PRKN: variants seen among roughly 807,000 people sequenced by gnomAD.
PRKN encodes the protein parkin RBR E3 ubiquitin protein ligase.
A neutral mutation model predicts 59.5 loss-of-function variants in PRKN; 56 were observed. That is an observed-to-expected ratio of 0.94 (90% confidence interval 0.76 to 1.18). The LOEUF is 1.18. Among genes scored for constraint, PRKN ranks in the 50% most tolerant of loss-of-function variants. The pLI is 0.00. For missense variants in PRKN, 657 were observed against 596.4 expected (o/e 1.10, Z -1.06); for synonymous variants, 250 against 222.1 (o/e 1.13, Z -1.12).
chr6:161,437,308 G>C (rs1788963328), intron 9 of PRKN, among the ~76,000 whole-genome samples: 1 of 152,128 alleles, frequency 6.6e-6, no homozygotes, highest in African/African-American at 2.4e-5. Context: ...CTGGGCGCGT[G>C]GTGTCTACAG....
chr6:162,344,964 C>T (rs942164747), intron 2 of PRKN, among the ~76,000 whole-genome samples: 1 of 152,172 alleles, frequency 6.6e-6, no homozygotes, highest in Non-Finnish European at 1.5e-5. Context: ...AATCACTATA[C>T]AGAAACAAAG....
chr6:161,977,041 A>G (rs535907121), intron 5 of PRKN, among the ~76,000 whole-genome samples: 1 of 152,358 alleles, frequency 6.6e-6, no homozygotes. Context: ...CCAACCCTAT[A>G]TTAAATATGT....
intron 3 of PRKN, among the ~76,000 whole-genome samples, chr6:162,226,271 CAGAG>C (rs767402820): frequency 2.0e-5 from 3 of 150,346 alleles, no homozygotes; most frequent in East Asian, 3.9e-4. Context: ...GAGACAGATA[CAGAG>C]AGAGAGAGAG....
intron 2 of PRKN, among the ~76,000 whole-genome samples, chr6:162,289,655 C>T (rs956513033): frequency 2.0e-5 from 3 of 150,426 alleles, no homozygotes; most frequent in African/African-American, 7.4e-5. Flanking sequence ...CGAGATAACT[C>T]TAGCCTCAGC....
At chr6:162,032,860 C>A (rs561325651) in intron 5 of PRKN, among the ~76,000 whole-genome samples, 5 of 152,288 alleles carry the variant, frequency 3.3e-5, no homozygotes, top group African/African-American at 1.2e-4. Flanking sequence ...AATGCTCCCA[C>A]ATGCAATCCA....
At chr6:161,523,093 A>C (rs1337147893) in intron 9 of PRKN, among the ~76,000 whole-genome samples, 1 of 152,162 alleles carries the variant, frequency 6.6e-6, no homozygotes, top group Non-Finnish European at 1.5e-5. Flanking sequence ...TAAATGCATT[A>C]TGTTTTGGTA....
chr6:161,513,407 A>T (rs755104890), intron 9 of PRKN, among the ~76,000 whole-genome samples: 2 of 151,404 alleles, frequency 1.3e-5, no homozygotes, highest in African/African-American at 2.4e-5. Flanking sequence ...CGCTTGGCTA[A>T]TTTTTTTTAT....
chr6:162,478,087 A>G (rs1583641996), intron 1 of PRKN, among the ~76,000 whole-genome samples: 1 of 152,138 alleles, frequency 6.6e-6, no homozygotes, highest in East Asian at 1.9e-4. Context: ...TTCTTCCCCT[A>G]GTACCTACCA....
chr6:161,958,244 T>C (rs1446581971), intron 6 of PRKN, among the ~76,000 whole-genome samples: 3 of 152,206 alleles, frequency 2.0e-5, no homozygotes, highest in African/African-American at 7.2e-5. Context: ...TTATTTGTAC[T>C]GTGGTTAAAT....
chr6:162,167,644 G>A (rs1783049938), intron 4 of PRKN, among the ~76,000 whole-genome samples: 1 of 150,406 alleles, frequency 6.6e-6, no homozygotes. Context: ...AGTAAATTTA[G>A]GACAAATAAG....
At chr6:161,910,453 C>G (rs1037527598) in intron 6 of PRKN, among the ~76,000 whole-genome samples, 2 of 152,084 alleles carry the variant, frequency 1.3e-5, no homozygotes, top group African/African-American at 4.8e-5. Flanking sequence ...CGGGGTTTCA[C>G]TGTGTTGGCC....
intron 4 of PRKN, among the ~76,000 whole-genome samples, chr6:162,109,104 G>A (rs10455897): frequency 0.5 from 76,737 of 152,044 alleles, 20,695 homozygotes; most frequent in East Asian, 0.72. Flanking sequence ...AGTTGTTGTC[G>A]TGAAAAGGGG....
At chr6:161,589,181 A>C (rs1490828861) in intron 7 of PRKN, among the ~76,000 whole-genome samples, 1 of 152,234 alleles carries the variant, frequency 6.6e-6, no homozygotes, top group Non-Finnish European at 1.5e-5. Context: ...GAGCAGGAGC[A>C]AGTGCTGCAG....
At chr6:161,877,900 G>A (rs1257166205) in intron 6 of PRKN, among the ~76,000 whole-genome samples, 1 of 152,050 alleles carries the variant, frequency 6.6e-6, no homozygotes, top group Non-Finnish European at 1.5e-5. Flanking sequence ...CGTGTAGACA[G>A]TGACACACTC....
intron 4 of PRKN, among the ~76,000 whole-genome samples, chr6:162,169,560 T>C (rs902780426): frequency 6.6e-6 from 1 of 152,194 alleles, no homozygotes; most frequent in African/African-American, 2.4e-5. Context: ...CACTACCTCA[T>C]AGACAAGTTT....
At chr6:162,472,995 A>G (rs73785508) in intron 1 of PRKN, among the ~76,000 whole-genome samples, 9 of 134,616 alleles carry the variant, frequency 6.7e-5, no homozygotes, top group Non-Finnish European at 1.2e-4. Flanking sequence ...ATATTCTCAT[A>G]CTTATTTTTA....
In PRKN at chr6:161,533,551, C is replaced by T. The variant is rs538041823; in HGVS notation, c.1083+15303G>A. On this transcript the variant is annotated intron_variant, in intron 9 of 11. Coordinates refer to ENST00000366898, the MANE Select transcript of PRKN (RefSeq NM_004562.3). This position sits in a 1 kb window ranked among gnomAD's most constrained non-coding sequence, Gnocchi z 4.1. ...CAAGATAGCCCCACCAAGTGGAAAG[C>T]CCATTTGCATAATAAGATTAGGGTG... Among the ~76,000 whole-genome samples, 6 of 152,222 alleles carry T rather than the reference C, an allele frequency of 3.9e-5. No individual in the cohort carries two copies. The East Asian group carries it at 7.7e-4, about 20-fold the overall frequency.
chr6:162,570,219 C>T lies in PRKN; in HGVS notation c.8-126746G>A, dbSNP rs79578558. Reference sequence around the variant, plus strand: ...ATATGAAAAGGTGGTCAACATCACTCATCATCAGAGAAAGGCGAATCAAAA... The same window carrying T: ...ATATGAAAAGGTGGTCAACATCACTTATCATCAGAGAAAGGCGAATCAAAA... On this transcript the variant is annotated intron_variant, in intron 1 of 11. Coordinates refer to ENST00000366898, the MANE Select transcript of PRKN (RefSeq NM_004562.3). 7.2e-5 allele frequency among the ~76,000 whole-genome samples: 11 copies of T among 152,304 alleles called. No individual in the cohort carries two copies. The South Asian group carries it at 2.3e-3, about 32-fold the overall frequency.
intron 3 of PRKN, among the ~76,000 whole-genome samples, chr6:162,244,275 A>C (rs1182364348): frequency 6.6e-6 from 1 of 152,042 alleles, no homozygotes; most frequent in African/African-American, 2.4e-5. Flanking sequence ...GTAAGAAGCC[A>C]GGTTGTGGTC....
Sources: allele counts gnomAD v4.1 joint callset (sites outside exome capture counted in the v4.1 genomes callset), GRCh38; gene constraint gnomAD v4.1.1; non-coding constraint Gnocchi (gnomAD v3.1); transcripts MANE v1.5; gene names NCBI Gene and HGNC (gene_info 2026-07-23, HGNC 2026-07-21).